SLC39A11: variants seen among roughly 807,000 people sequenced by gnomAD.
The protein encoded by SLC39A11 is zinc transporter ZIP11.
A neutral mutation model predicts 36.1 loss-of-function variants in SLC39A11; 33 were observed. The ratio of observed to expected loss-of-function variants is 0.91; its 90% CI spans 0.69 to 1.22. The LOEUF (loss-of-function observed/expected upper bound fraction) is 1.22, where lower values mean the gene tolerates loss of function less well. Among genes scored for constraint, SLC39A11 ranks in the 50% most tolerant of loss-of-function variants. The pLI, the probability that SLC39A11 is intolerant of heterozygous loss-of-function variation, is 0.00. For missense variants in SLC39A11, 432 were observed against 430.3 expected (o/e 1.00, Z -0.03); for synonymous variants, 166 against 170.3 (o/e 0.97, Z 0.20).
chr17:72,963,454 G>A (rs903615808), intron 4 of SLC39A11, among the ~76,000 whole-genome samples: 3 of 152,138 alleles, frequency 2.0e-5, no homozygotes, highest in Non-Finnish European at 4.4e-5. Flanking sequence ...ACAGGCGTGA[G>A]CCACCGCGCC....
At chr17:73,004,309 G>C (rs746048416) in intron 4 of SLC39A11, among the ~76,000 whole-genome samples, 1 of 152,170 alleles carries the variant, frequency 6.6e-6, no homozygotes, top group Non-Finnish European at 1.5e-5. Context: ...AGTTCTGGAG[G>C]CTAGAAGTCC....
At chr17:72,716,478 T>C (rs370414358) in intron 7 of SLC39A11, among the ~76,000 whole-genome samples, 12 of 151,138 alleles carry the variant, frequency 7.9e-5, no homozygotes, top group African/African-American at 2.9e-4. Flanking sequence ...GACTCTCCCA[T>C]GGGCCAGCGT....
At chr17:72,844,866 T>C (rs1474134179) in intron 6 of SLC39A11, among the ~76,000 whole-genome samples, 1 of 152,188 alleles carries the variant, frequency 6.6e-6, no homozygotes. Flanking sequence ...CCCCTGGAGC[T>C]GCAGCCTTCC....
chr17:72,790,385 C>A (rs995016834), intron 6 of SLC39A11, among the ~76,000 whole-genome samples: 7 of 152,128 alleles, frequency 4.6e-5, no homozygotes, highest in East Asian at 1.9e-4. Flanking sequence ...AAAACCGCAC[C>A]CTTCTGGAAT....
chr17:72,889,272 T>C (rs1419446455), intron 5 of SLC39A11, among the ~76,000 whole-genome samples: 3 of 152,200 alleles, frequency 2.0e-5, no homozygotes, highest in African/African-American at 7.2e-5. Flanking sequence ...CCCAGCACTT[T>C]GGGAGGCCAA....
At chr17:72,912,672 G>C (rs116084496) in intron 5 of SLC39A11, among the ~76,000 whole-genome samples, 78,305 of 151,634 alleles carry the variant, frequency 0.52, 20,267 homozygotes, top group African/African-American at 0.55. Flanking sequence ...GAGGGTACGG[G>C]GGTGAGGAGG....
intron 4 of SLC39A11, among the ~76,000 whole-genome samples, chr17:72,949,984 C>T (rs1186950402): frequency 6.7e-6 from 1 of 149,360 alleles, no homozygotes; most frequent in Non-Finnish European, 1.5e-5. Context: ...CACACACACA[C>T]ACACACACAC....
intron 3 of SLC39A11, among the ~76,000 whole-genome samples, chr17:73,050,161 G>A (rs2059444982): frequency 6.6e-6 from 1 of 151,984 alleles, no homozygotes; most frequent in African/African-American, 2.4e-5. Flanking sequence ...CGGGGGTGGA[G>A]AGTAACAGTG....
At chr17:72,792,377 C>T (rs1157300790) in intron 6 of SLC39A11, among the ~76,000 whole-genome samples, 1 of 152,188 alleles carries the variant, frequency 6.6e-6, no homozygotes, top group African/African-American at 2.4e-5. Context: ...GAGGACTGGG[C>T]TGGGTGCAGT....
At chr17:72,911,307 C>G (rs67913395) in intron 5 of SLC39A11, among the ~76,000 whole-genome samples, 1 of 151,354 alleles carries the variant, frequency 6.6e-6, no homozygotes, top group Non-Finnish European at 1.5e-5. Context: ...AGGAGATATA[C>G]CTAATGTTAA....
intron 5 of SLC39A11, among the ~76,000 whole-genome samples, chr17:72,863,620 C>A (rs1487532743): frequency 5.3e-5 from 8 of 152,220 alleles, no homozygotes; most frequent in African/African-American, 7.2e-5. Context: ...GACCTCCTCA[C>A]TGACATCTGT....
At chr17:72,871,809 G>A (rs1173532437) in intron 5 of SLC39A11, among the ~76,000 whole-genome samples, 1 of 152,190 alleles carries the variant, frequency 6.6e-6, no homozygotes, top group Non-Finnish European at 1.5e-5. Flanking sequence ...TCAAACTTGA[G>A]GAGGGGGTTG....
intron 5 of SLC39A11, among the ~76,000 whole-genome samples, chr17:72,853,498 C>T (rs1015086785): frequency 6.6e-6 from 1 of 151,976 alleles, no homozygotes; most frequent in Non-Finnish European, 1.5e-5. Context: ...GCACAGAGAG[C>T]AACAGACCTC....
chr17:72,669,078 G>C (rs1411098575), intron 7 of SLC39A11, among the ~76,000 whole-genome samples: 6 of 152,174 alleles, frequency 3.9e-5, no homozygotes, highest in Non-Finnish European at 8.8e-5. Flanking sequence ...CAGTATATTC[G>C]ATAATTTTAT....
chr17:73,000,999 C>A (rs1395979506), intron 4 of SLC39A11, among the ~76,000 whole-genome samples: 1 of 152,118 alleles, frequency 6.6e-6, no homozygotes, highest in East Asian at 1.9e-4. Flanking sequence ...TCTGCTGCAT[C>A]CAGTTTGAAC....
At chr17:72,694,764 A>C (rs1266764897) in intron 7 of SLC39A11, among the ~76,000 whole-genome samples, 1 of 152,218 alleles carries the variant, frequency 6.6e-6, no homozygotes, top group African/African-American at 2.4e-5. Flanking sequence ...GGGCCACCAG[A>C]GAGAAGACCT....
intron 7 of SLC39A11, among the ~76,000 whole-genome samples, chr17:72,726,592 C>G (rs148407567): frequency 4.6e-5 from 7 of 152,148 alleles, no homozygotes; most frequent in African/African-American, 1.7e-4. Flanking sequence ...ACACATGTAA[C>G]GTATCTTACA....
chr17:73,004,407 G>A (rs1598810833), intron 4 of SLC39A11, among the ~76,000 whole-genome samples: 2 of 152,166 alleles, frequency 1.3e-5, no homozygotes, highest in Non-Finnish European at 2.9e-5. Flanking sequence ...TCCTCACAGG[G>A]TGAAGTAAGA....
intron 7 of SLC39A11, among the ~76,000 whole-genome samples, chr17:72,717,103 T>G (rs959271900): frequency 7.0e-6 from 1 of 143,712 alleles, no homozygotes; most frequent in Non-Finnish European, 1.5e-5. Flanking sequence ...TATACTTATA[T>G]GTGTATGTAT....
Sources: allele counts gnomAD v4.1 joint callset (sites outside exome capture counted in the v4.1 genomes callset), GRCh38; gene constraint gnomAD v4.1.1; transcripts MANE v1.5; gene names NCBI Gene and HGNC (gene_info 2026-07-23, HGNC 2026-07-21).